The following AACS variants were observed in gnomAD, a reference collection of about 807,000 sequenced individuals.
AACS encodes acetoacetate-CoA ligase.
AACS carries 69 observed loss-of-function variants against 83.1 expected under a neutral mutation model. The observed-to-expected ratio is 0.83, with a 90% CI of 0.68 to 1.01. The LOEUF (loss-of-function observed/expected upper bound fraction) is 1.01, where lower values mean the gene tolerates loss of function less well. AACS is among the 50% of genes least tolerant of loss of function. AACS has a pLI of 0.00. For missense variants in AACS, 866 were observed against 882.2 expected, an observed-to-expected ratio of 0.98 and a Z score of 0.23; for synonymous variants, 333 against 343.4, an observed-to-expected ratio of 0.97 and a Z score of 0.33.
chr12:125,072,400 G>T (rs1031175637), intron 1 of AACS, among the ~76,000 whole-genome samples: 1 of 152,196 alleles, frequency 6.6e-6, no homozygotes, highest in Non-Finnish European at 1.5e-5. Context: ...CTTCCCCACC[G>T]GGGCTGGGAA....
In AACS at chr12:125,093,991, T is replaced by C. The variant is rs552248479; in HGVS notation, c.570+2468T>C. 1.9e-3 allele frequency among the ~76,000 whole-genome samples: 296 copies of C among 152,292 alleles called. 2 individuals carry two copies. The highest frequency in any genetic ancestry group is 7.0e-3 in the African/African-American group (291 of 41,574). ...CATAGCGCTTGGTCCCACAGACACC[T>C]GGACACCCGCTGTCGGAGCTGAGTA... On this transcript the variant is annotated intron_variant, in intron 5 of 17. Transcript: ENST00000316519.
chr12:125,090,080 A>C (rs1956434416), intron 4 of AACS, among the ~76,000 whole-genome samples: 1 of 142,324 alleles, frequency 7.0e-6, no homozygotes, highest in Admixed American at 7.0e-5. Context: ...CCATCCACTC[A>C]TCTATCCTCC....
chr12:125,140,139 G>A lies in AACS; in HGVS notation c.1882-1953G>A, dbSNP rs1398740758. On this transcript the variant is annotated intron_variant, in intron 17 of 17. Transcript: ENST00000316519. This position sits in a 1 kb window ranked among gnomAD's most constrained non-coding sequence, Gnocchi z 5.1. ...GAGGGCTTCCCGACTGCAGCCCTCAGGCAGCCATGGCTGTCCCAAGTCCAG... is the reference window on the plus strand; with the variant it reads ...GAGGGCTTCCCGACTGCAGCCCTCAAGCAGCCATGGCTGTCCCAAGTCCAG... 1 of 152,256 alleles carries A rather than the reference G, an allele frequency of 6.6e-6. No individual in the cohort carries two copies. Among genetic ancestry groups the A allele is most frequent in the African/African-American group, 2.4e-5 (1 of 41,448 alleles). The allele number at this position is 152,256 out of a possible 1,614,324, so 9.4% of individuals were successfully genotyped here. A position where few individuals can be genotyped will look rare whatever the true frequency, so the allele number is the denominator to read the frequency against.
intron 4 of AACS, among the ~76,000 whole-genome samples, chr12:125,087,709 G>C (rs1956370561): frequency 6.6e-6 from 1 of 152,224 alleles, no homozygotes; most frequent in Non-Finnish European, 1.5e-5. Context: ...AAAGAGGCAG[G>C]AGGAGCTGGG....
chr12:125,084,941 A>G (rs768226281), intron 3 of AACS, among the ~76,000 whole-genome samples: 2 of 152,160 alleles, frequency 1.3e-5, no homozygotes, highest in Non-Finnish European at 2.9e-5. Flanking sequence ...TTGAACTCCT[A>G]ACCTCATGTG....
At chr12:125,120,548 A>G (rs1360518876) in intron 10 of AACS, 1 of 152,156 alleles carries the variant, frequency 6.6e-6, no homozygotes, top group Non-Finnish European at 1.5e-5. Context: ...ATCCCTGGGA[A>G]CTTCAGATGG....
intron 17 of AACS, 76 bp from the exon 18 acceptor site, chr12:125,142,016 C>A: frequency 6.3e-7 from 1 of 1,576,850 alleles, no homozygotes; most frequent in South Asian, 1.2e-5. Flanking sequence ...GCCTTTGGGG[C>A]CTGGATATAT....
rs757831037 is a variant in AACS, at chr12:125,124,882, T to G, written c.1187-20T>G. On this transcript the variant is annotated intron_variant, in intron 11 of 17. Transcript: ENST00000316519. ...AGGCACTGGGTTTAGTTTTAATCTT[T>G]TGGTGACTCTGCACCCCAGTGGAAA... The G allele has an allele frequency of 1.2e-6, 2 of 1,614,200 alleles. No individual in the cohort carries two copies. The highest frequency in any genetic ancestry group is 1.7e-6 in the Non-Finnish European group (2 of 1,180,026).
At chr12:125,078,820 C>CAAAAAAA (rs71092270) in intron 3 of AACS, among the ~76,000 whole-genome samples, 3 of 52,040 alleles carry the variant, frequency 5.8e-5, no homozygotes, top group African/African-American at 9.7e-5. Context: ...GACTCCGTCT[C>CAAAAAAA]AAAAAAAAAA....
intron 15 of AACS, 76 bp downstream of exon 15, chr12:125,134,148 T>C: frequency 1.3e-6 from 2 of 1,519,178 alleles, no homozygotes; most frequent in Non-Finnish European, 1.8e-6. Flanking sequence ...AGGAGGTGCT[T>C]TCTATAAAAG....
In AACS at chr12:125,102,732, G is replaced by A. The variant is rs3763984; in HGVS notation, c.624G>A (p.Glu208=). Residue 208 remains glutamate, a synonymous_variant, in exon 6 of 18, where the codon GAG becomes GAA. Coordinates refer to ENST00000316519, the MANE Select transcript of AACS (RefSeq NM_023928.5). ...AGCCAAAGCTCATCTTCTCTGTGGAGGCTGTTGTCTATAATGGCAAAGAGC... is the reference window on the plus strand; with the variant it reads ...AGCCAAAGCTCATCTTCTCTGTGGAAGCTGTTGTCTATAATGGCAAAGAGC... ...QIQPKLIFSV[E]AVVYNGKEHN... is the part of the protein sequence containing the mutation. 0.013 allele frequency: 20,875 copies of A among 1,614,080 alleles called. 582 individuals are homozygous for A. The highest frequency in any genetic ancestry group is 0.093 in the East Asian group (4,193 of 44,866).
At chr12:125,086,232 C>T (rs548246826) in intron 3 of AACS, 98 bp from the exon 4 acceptor site, 673 of 994,994 alleles carry the variant, frequency 6.8e-4, no homozygotes, top group Non-Finnish European at 8.6e-4. Context: ...AGATTAATAA[C>T]CTGCATTGAA....
intron 5 of AACS, among the ~76,000 whole-genome samples, chr12:125,096,989 C>T (rs1207305978): frequency 6.6e-6 from 1 of 152,064 alleles, no homozygotes; most frequent in Non-Finnish European, 1.5e-5. Flanking sequence ...GGGTGGCATT[C>T]TCAGTCCAGG....
At chr12:125,102,858 C>A in intron 6 of AACS, 65 bp downstream of exon 6, 1 of 1,514,198 alleles carries the variant, frequency 6.6e-7, no homozygotes, top group Non-Finnish European at 9.1e-7. Flanking sequence ...TAAGAGTCTG[C>A]CAGGAGTCAA....
Position 125,124,977 on chromosome 12 carries a change from A to ATGTC in AACS, c.1264_1267dup (p.Tyr423CysfsTer35), listed in dbSNP as rs775935881. ...CCACTGAAAGCCCAGAGCTACGAGT[A>ATGTC]TGTCTACAGGTGCATCAAGAGCAGC... On this transcript the variant is annotated frameshift_variant, in exon 12 of 18. Transcript: ENST00000316519. LOFTEE classifies it high-confidence loss of function. 1.1e-5 allele frequency: 17 copies of ATGTC among 1,614,190 alleles called. No homozygotes were observed. Among genetic ancestry groups the ATGTC allele is most frequent in the Non-Finnish European group, 1.4e-5 (17 of 1,180,028 alleles).
intron 3 of AACS, among the ~76,000 whole-genome samples, chr12:125,084,007 C>T (rs1452664419): frequency 6.6e-6 from 1 of 152,074 alleles, no homozygotes; most frequent in African/African-American, 2.4e-5. Flanking sequence ...AGTGGCATTG[C>T]ACCAAATGAA....
intron 7 of AACS, among the ~76,000 whole-genome samples, chr12:125,106,193 G>A (rs1436687435): frequency 6.6e-6 from 1 of 152,244 alleles, no homozygotes; most frequent in Non-Finnish European, 1.5e-5. Flanking sequence ...TTCCCTGAGA[G>A]AAAGTCCATT....
intron 1 of AACS, among the ~76,000 whole-genome samples, chr12:125,067,272 G>T (rs948580407): frequency 2.0e-5 from 3 of 152,190 alleles, no homozygotes; most frequent in Admixed American, 2.0e-4. Flanking sequence ...CTGGACAGCA[G>T]TTGGTAAATG....
chr12:125,098,847 C>G (rs1339202848), intron 5 of AACS, among the ~76,000 whole-genome samples: 2 of 152,178 alleles, frequency 1.3e-5, no homozygotes, highest in African/African-American at 4.8e-5. Flanking sequence ...CTGATTTGTT[C>G]TAGTGGTTTT....
Sources: allele counts gnomAD v4.1 joint callset (sites outside exome capture counted in the v4.1 genomes callset), GRCh38; gene constraint gnomAD v4.1.1; non-coding constraint Gnocchi (gnomAD v3.1); transcripts MANE v1.5; gene names NCBI Gene and HGNC (gene_info 2026-07-23, HGNC 2026-07-21).